TENM2: variants seen among roughly 807,000 people sequenced by gnomAD.
The protein encoded by TENM2 is teneurin transmembrane protein 2, also known as teneurin-2.
TENM2 carries 52 observed loss-of-function variants against 245.2 expected under a neutral mutation model. That is an observed-to-expected ratio of 0.21 (90% CI 0.17 to 0.27). The LOEUF (loss-of-function observed/expected upper bound fraction) is 0.27, where lower values mean the gene tolerates loss of function less well. TENM2 is among the 10% of genes least tolerant of loss of function. The pLI is 1.00. For missense variants in TENM2, 3,046 were observed against 3,666.8 expected (o/e 0.83, Z 4.37); for synonymous variants, 1,363 against 1,438.9 (o/e 0.95, Z 1.19).
At chr5:167,616,881 C>T (rs1283342619) in intron 2 of TENM2, among the ~76,000 whole-genome samples, 1 of 151,972 alleles carries the variant, frequency 6.6e-6, no homozygotes, top group African/African-American at 2.4e-5. Context: ...ATGTAGGTGT[C>T]TCTTACATCT....
rs148668142 is a variant in TENM2, at chr5:167,990,077, C to G, written c.948-2867C>G. ...TTAGTGACTCCTTACAATGCCTTTA[C>G]GTTCCTTTGTTTTCATTTGATTTCC... On this transcript the variant is annotated intron_variant, in intron 4 of 28. Coordinates refer to ENST00000518659, the Ensembl canonical transcript of TENM2. Among the ~76,000 whole-genome samples the G allele has an allele frequency of 2.6e-5, 4 of 152,280 alleles. No individual in the cohort carries two copies. The East Asian group carries it at 7.7e-4, about 29-fold the overall frequency.
intron 2 of TENM2, among the ~76,000 whole-genome samples, chr5:167,497,365 T>G (rs1341466777): frequency 6.6e-6 from 1 of 152,122 alleles, no homozygotes; most frequent in African/African-American, 2.4e-5. Context: ...TTTCATGAAT[T>G]ATTCTAAAAA....
upstream of TENM2, among the ~76,000 whole-genome samples, chr5:167,284,090 CAGA>C (rs1428239761): frequency 1.3e-5 from 2 of 152,094 alleles, no homozygotes; most frequent in Non-Finnish European, 2.9e-5. Flanking sequence ...GGTGACTAGG[CAGA>C]AGAAGTAACC....
At chr5:167,255,030 A>T in the TENM2 span, among the ~76,000 whole-genome samples, 1 of 151,958 alleles carries the variant, frequency 6.6e-6, no homozygotes, top group Non-Finnish European at 1.5e-5. Context: ...TAAATGTGAT[A>T]AGAAACCATT....
intron 4 of TENM2, among the ~76,000 whole-genome samples, chr5:167,991,621 A>G (rs1783672834): frequency 6.6e-6 from 1 of 152,204 alleles, no homozygotes; most frequent in African/African-American, 2.4e-5. Context: ...ATCCTCTTCT[A>G]CACTGCCTGT....
exon 21 of TENM2, chr5:168,215,166 G>A (rs776598871): frequency 1.9e-6 from 3 of 1,613,920 alleles, no homozygotes; most frequent in Non-Finnish European, 2.5e-6. Flanking sequence ...ACCTGGCTGG[G>A]AATTCGGAAG....
At chr5:167,610,380 C>A (rs911160863) in intron 2 of TENM2, among the ~76,000 whole-genome samples, 2 of 151,938 alleles carry the variant, frequency 1.3e-5, no homozygotes, top group Non-Finnish European at 2.9e-5. Flanking sequence ...ACCTTCAGCC[C>A]TTCTCCTCTC....
At chr5:168,246,261 G>A (rs931099821) in intron 26 of TENM2, among the ~76,000 whole-genome samples, 1 of 151,672 alleles carries the variant, frequency 6.6e-6, no homozygotes, top group African/African-American at 2.4e-5. Context: ...TGCAGGATGT[G>A]TTTTCTCTTT....
intron 7 of TENM2, among the ~76,000 whole-genome samples, chr5:168,076,154 G>A (rs1791446696): frequency 6.6e-6 from 1 of 151,302 alleles, no homozygotes; most frequent in African/African-American, 2.4e-5. Flanking sequence ...TGGACATTTG[G>A]GTTGTCTGGT....
intron 3 of TENM2, among the ~76,000 whole-genome samples, chr5:167,902,038 G>T (rs1053643926): frequency 2.6e-5 from 4 of 152,118 alleles, no homozygotes; most frequent in Non-Finnish European, 4.4e-5. Flanking sequence ...CACATTTTAT[G>T]CAGGCTCATT....
At chr5:168,194,045 G>A (rs994357852) in intron 14 of TENM2, among the ~76,000 whole-genome samples, 11 of 152,152 alleles carry the variant, frequency 7.2e-5, no homozygotes, top group Admixed American at 2.0e-4. Flanking sequence ...GCATCCCTCC[G>A]GTTTTCAGGA....
At chr5:167,619,719 T>C (rs1032683769) in intron 2 of TENM2, among the ~76,000 whole-genome samples, 4 of 152,176 alleles carry the variant, frequency 2.6e-5, no homozygotes, top group African/African-American at 9.6e-5. Context: ...TGCAATGTTT[T>C]TAATAGACTG....
intron 12 of TENM2, among the ~76,000 whole-genome samples, chr5:168,146,106 T>C (rs62383430): frequency 0.016 from 2,364 of 151,264 alleles, 66 homozygotes; most frequent in African/African-American, 0.054. Flanking sequence ...TTTCTAGGTA[T>C]ACAATCATGT....
At chr5:167,911,136 T>C (rs1047655295) in intron 3 of TENM2, among the ~76,000 whole-genome samples, 3 of 152,322 alleles carry the variant, frequency 2.0e-5, no homozygotes, top group Middle Eastern at 3.4e-3. Flanking sequence ...CATGTTTTAC[T>C]TGGGATGAAT....
At chr5:168,053,630 G>T (rs527781529) in intron 6 of TENM2, among the ~76,000 whole-genome samples, 4 of 152,284 alleles carry the variant, frequency 2.6e-5, no homozygotes, top group Non-Finnish European at 1.5e-5. Flanking sequence ...ATTGTATTAG[G>T]TATTATAAGT....
intron 2 of TENM2, among the ~76,000 whole-genome samples, chr5:167,853,289 CAAAAA>C (rs777170514): frequency 0.02 from 495 of 24,616 alleles, 9 homozygotes; most frequent in African/African-American, 0.068. Flanking sequence ...GACTCCGTCT[CAAAAA>C]AAAAAAAAAA....
chr5:167,929,067 AAGAAAGAAAG>A (rs1561945594), intron 3 of TENM2, among the ~76,000 whole-genome samples: 15 of 12,484 alleles, frequency 1.2e-3, no homozygotes, highest in African/African-American at 4.7e-3. Context: ...GAGAGAAAGA[AAGAAAGAAAG>A]AAAGAAAGAA....
the TENM2 span, among the ~76,000 whole-genome samples, chr5:167,082,199 C>A: frequency 2.6e-5 from 4 of 152,000 alleles, no homozygotes; most frequent in Non-Finnish European, 2.9e-5. Context: ...ACCAGAAGAG[C>A]GAAATGCATA....
chr5:168,243,019 T>C (rs956961908), intron 25 of TENM2, among the ~76,000 whole-genome samples: 4 of 152,048 alleles, frequency 2.6e-5, no homozygotes, highest in Non-Finnish European at 5.9e-5. Flanking sequence ...TTATTACCAG[T>C]AAGTGCTGTT....
Sources: gnomAD v4.1 joint callset for allele counts (sites outside exome capture counted in the v4.1 genomes callset) on GRCh38, gnomAD v4.1.1 for gene constraint, MANE v1.5 for transcripts, NCBI Gene and HGNC (gene_info 2026-07-23, HGNC 2026-07-21) for gene names.